ROBO1: variants seen among roughly 807,000 people sequenced by gnomAD.
ROBO1 encodes the protein roundabout guidance receptor 1, also known as roundabout homolog 1.
In ROBO1, 149 loss-of-function variants were observed where a neutral mutation model predicts 195.9. That is an observed-to-expected ratio of 0.76 (90% CI 0.67 to 0.87). The LOEUF (loss-of-function observed/expected upper bound fraction) is 0.87, where lower values mean the gene tolerates loss of function less well. ROBO1 is among the 40% of genes least tolerant of loss of function. The probability of loss-of-function intolerance (pLI) is 0.00; values close to 1 mark genes in which losing one functional copy is unlikely to be tolerated. For synonymous variants in ROBO1, 816 were observed against 733.2 expected, an observed-to-expected ratio of 1.11 and a Z score of -1.82; for missense variants, 1,933 against 2,068.3, an observed-to-expected ratio of 0.93 and a Z score of 1.27.
chr3:79,347,091 G>T (rs1201030009), intron 2 of ROBO1, among the ~76,000 whole-genome samples: 4 of 152,070 alleles, frequency 2.6e-5, no homozygotes, highest in Non-Finnish European at 4.4e-5. Flanking sequence ...TTATAGATAG[G>T]TGAACAGACA....
intron 2 of ROBO1, among the ~76,000 whole-genome samples, chr3:79,143,362 T>C (rs1295798018): frequency 1.3e-5 from 2 of 152,052 alleles, no homozygotes; most frequent in Non-Finnish European, 2.9e-5. Context: ...TTATACATAA[T>C]TCTGGCAAAA....
intron 3 of ROBO1, among the ~76,000 whole-genome samples, chr3:78,958,913 C>T (rs1301599693): frequency 2.0e-5 from 3 of 151,266 alleles, no homozygotes; most frequent in Non-Finnish European, 4.4e-5. Context: ...CAGCCTCAAC[C>T]TCCCAGGCTC....
At chr3:79,172,415 T>C (rs1439280176) in intron 2 of ROBO1, among the ~76,000 whole-genome samples, 1 of 152,214 alleles carries the variant, frequency 6.6e-6, no homozygotes, top group Non-Finnish European at 1.5e-5. Flanking sequence ...CAATTTTCTG[T>C]ACTTCATCAT....
At chr3:79,136,115 C>A (rs182483405) in intron 2 of ROBO1, among the ~76,000 whole-genome samples, 8 of 152,212 alleles carry the variant, frequency 5.3e-5, no homozygotes, top group African/African-American at 1.9e-4. Context: ...CTCATATTTG[C>A]AGTAGCATTC....
At chr3:78,974,176 G>C (rs2076835608) in intron 3 of ROBO1, among the ~76,000 whole-genome samples, 1 of 151,994 alleles carries the variant, frequency 6.6e-6, no homozygotes, top group Non-Finnish European at 1.5e-5. Flanking sequence ...TGCATCATGG[G>C]CCAATATAAC....
At chr3:78,970,892 G>A (rs1189914335) in intron 3 of ROBO1, among the ~76,000 whole-genome samples, 4 of 151,182 alleles carry the variant, frequency 2.6e-5, no homozygotes, top group Admixed American at 1.3e-4. Context: ...TCTCACCATA[G>A]TTGATATCTC....
At chr3:78,632,272 T>C (rs904944346) in intron 24 of ROBO1, among the ~76,000 whole-genome samples, 1 of 152,210 alleles carries the variant, frequency 6.6e-6, no homozygotes, top group African/African-American at 2.4e-5. Flanking sequence ...TCAATGAGCC[T>C]TGATTTTTTT....
chr3:79,266,779 C>T (rs190238263), intron 2 of ROBO1, among the ~76,000 whole-genome samples: 28 of 151,632 alleles, frequency 1.8e-4, no homozygotes, highest in Non-Finnish European at 3.7e-4. Context: ...AAAATGTGCC[C>T]AACCCATTTT....
At chr3:79,052,841 G>C (rs1392393961) in intron 3 of ROBO1, among the ~76,000 whole-genome samples, 1 of 152,104 alleles carries the variant, frequency 6.6e-6, no homozygotes, top group Non-Finnish European at 1.5e-5. Context: ...TCGGTCCACA[G>C]AAACTTGTTC....
At chr3:78,999,441 A>T (rs984251246) in intron 3 of ROBO1, among the ~76,000 whole-genome samples, 2 of 152,156 alleles carry the variant, frequency 1.3e-5, no homozygotes, top group Admixed American at 6.6e-5. Flanking sequence ...TTTACACAGG[A>T]ACAGAAAACC....
chr3:79,144,363 T>A (rs560936885), intron 2 of ROBO1, among the ~76,000 whole-genome samples: 5 of 152,160 alleles, frequency 3.3e-5, no homozygotes, highest in African/African-American at 1.2e-4. Context: ...TAGGTTAAAG[T>A]TAAACCTCTG....
Position 79,019,167 on chromosome 3 carries a change from C to T in ROBO1, c.173-80240G>A, listed in dbSNP as rs923268910. 10 of 986,666 alleles carry T rather than the reference C, an allele frequency of 1.0e-5. No individual in the cohort carries two copies. The African/African-American group carries it at 1.6e-4, about 15-fold the overall frequency. The allele number at this position is 986,666 out of a possible 1,614,324, so 61.1% of individuals were successfully genotyped here. A position where few individuals can be genotyped will look rare whatever the true frequency, so the allele number is the denominator to read the frequency against. ...CGCGGACACTCGCACGTCTTCTGGGCGCCCCCAGCCCCGCGCGGCGCCCAA... is the reference window on the plus strand; with the variant it reads ...CGCGGACACTCGCACGTCTTCTGGGTGCCCCCAGCCCCGCGCGGCGCCCAA... On this transcript the variant is annotated intron_variant, in intron 3 of 30. Transcript: ENST00000464233.
chr3:79,018,432 C>G (rs375506771), intron 3 of ROBO1: 2 of 1,613,852 alleles, frequency 1.2e-6, no homozygotes, highest in South Asian at 1.1e-5. Context: ...TTAATCCAAA[C>G]AGGTAAAAGT....
rs747286399 is a variant in ROBO1 at position 78,600,102 on chromosome 3, A to T, written c.4941+11T>A. On this transcript the variant is annotated intron_variant, in intron 30 of 30. Transcript: ENST00000464233. Reference sequence around the variant, plus strand: ...CTAACATTGGTAAACTTGGGGAAAAATTATAGATACCTCTAATTCTTCATT... The same window carrying T: ...CTAACATTGGTAAACTTGGGGAAAATTTATAGATACCTCTAATTCTTCATT... 3.2e-5 allele frequency: 52 copies of T among 1,607,264 alleles called. No homozygotes were observed. The Admixed American group carries it at 8.7e-4, about 27-fold the overall frequency.
intron 2 of ROBO1, among the ~76,000 whole-genome samples, chr3:79,434,163 C>T (rs1358422747): frequency 1.2e-4 from 18 of 152,134 alleles, no homozygotes; most frequent in Admixed American, 9.8e-4. Context: ...TGGGCAAGGA[C>T]TTCATGTCTA....
chr3:79,551,119 A>G (rs1559985330), intron 2 of ROBO1, among the ~76,000 whole-genome samples: 4 of 151,834 alleles, frequency 2.6e-5, no homozygotes. Context: ...TAAGTCAATA[A>G]TTTAAGTTTA....
At chr3:79,167,649 C>T (rs1372749121) in intron 2 of ROBO1, among the ~76,000 whole-genome samples, 1 of 152,156 alleles carries the variant, frequency 6.6e-6, no homozygotes, top group Non-Finnish European at 1.5e-5. Context: ...CAAAAATATC[C>T]TCTCTTCATC....
At chr3:79,617,531 C>T (rs1046789762) in intron 1 of ROBO1, among the ~76,000 whole-genome samples, 1 of 152,032 alleles carries the variant, frequency 6.6e-6, no homozygotes, top group African/African-American at 2.4e-5. Flanking sequence ...TTATATACAA[C>T]TTATATTACA....
chr3:78,654,706 T>C (rs898408546), intron 18 of ROBO1, among the ~76,000 whole-genome samples: 1 of 152,166 alleles, frequency 6.6e-6, no homozygotes, highest in African/African-American at 2.4e-5. Flanking sequence ...TATATTAAGA[T>C]ATGGAAAAAT....
Sources: gnomAD v4.1 joint callset for allele counts (sites outside exome capture counted in the v4.1 genomes callset) on GRCh38, gnomAD v4.1.1 for gene constraint, MANE v1.5 for transcripts, NCBI Gene and HGNC (gene_info 2026-07-23, HGNC 2026-07-21) for gene names.